Variants in MELK observed in about 807,000 individuals in gnomAD.
MELK encodes pEg3 kinase.
Under a neutral mutation model 85.0 loss-of-function variants are expected in MELK, and 81 were observed. The ratio of observed to expected loss-of-function variants is 0.95; its 90% CI spans 0.80 to 1.15. The LOEUF is 1.15. Among genes scored for constraint, MELK ranks in the 50% most tolerant of loss-of-function variants. The probability of loss-of-function intolerance (pLI) is 0.00; values close to 1 mark genes in which losing one functional copy is unlikely to be tolerated. For synonymous variants in MELK, 252 were observed against 265.0 expected (o/e 0.95, Z 0.48); for missense variants, 754 against 777.5 (o/e 0.97, Z 0.36).
intron 13 of MELK, 44 bp downstream of exon 13, chr9:36,657,407 A>G: frequency 6.5e-7 from 1 of 1,539,600 alleles, no homozygotes; most frequent in Non-Finnish European, 8.7e-7. Context: ...CTATTGTTTC[A>G]ATTATAAAAA....
At position 36,677,423 on chromosome 9, in the gene MELK, TC is replaced by T; in HGVS notation, c.*87del. The T allele has an allele frequency of 8.0e-7, 1 of 1,243,080 alleles. No homozygotes were observed. Among genetic ancestry groups the T allele is most frequent in the Non-Finnish European group, 1.1e-6 (1 of 929,374 alleles). The allele number at this position is 1,243,080 out of a possible 1,614,324, so 77.0% of individuals were successfully genotyped here. On this transcript the variant is annotated 3_prime_UTR_variant, in exon 18 of 18. Transcript: ENST00000298048. Reference sequence around the variant, plus strand: ...GTTATGATCGCTTTGATTTTAAAGTTCATTGGAACTACCAACTTGTTTCTAA... The same window carrying T: ...GTTATGATCGCTTTGATTTTAAAGTTATTGGAACTACCAACTTGTTTCTAA...
chr9:36,642,404 G>T (rs537902774), intron 10 of MELK, among the ~76,000 whole-genome samples: 3 of 150,028 alleles, frequency 2.0e-5, no homozygotes, highest in African/African-American at 7.4e-5. Context: ...CAGTCCCTGG[G>T]CTGTACAACA....
chr9:36,665,593 G>GTTA lies in MELK; in HGVS notation c.1408+13_1408+14insTAT. 2 of 1,586,400 alleles carry GTTA rather than the reference G, an allele frequency of 1.3e-6. No homozygotes were observed. The highest frequency in any genetic ancestry group is 1.7e-6 in the Non-Finnish European group (2 of 1,159,182). ...TACACCCTCAAAAGGTATTTGCTAA[G>GTTA]TGAATTAAGCAGTAAGAAGTTTCAT... On this transcript the variant is annotated intron_variant, in intron 14 of 17. Transcript: ENST00000298048.
In MELK at chr9:36,596,575, TTTTTTGTTTTTTTTG is replaced by T. The variant is rs1564138747; in HGVS notation, c.406-641_406-627del. 1.1e-4 allele frequency among the ~76,000 whole-genome samples: 12 copies of T among 104,818 alleles called. 2 individuals carry two copies. Among genetic ancestry groups the T allele is most frequent in the African/African-American group, 6.9e-4 (11 of 15,940 alleles). The allele number at this position is 104,818 out of a possible 152,430, so 68.8% of individuals were successfully genotyped here. A position where few individuals can be genotyped will look rare whatever the true frequency, so the allele number is the denominator to read the frequency against. On this transcript the variant is annotated intron_variant, in intron 5 of 17. Transcript: ENST00000298048. ...CCCGGCCCTTTTTGTTTTTTTTGTT[TTTTTTGTTTTTTTTG>T]TTTTTTTTTTTTTGAGATGGAGTTT... is the stretch of plus-strand genomic sequence containing the variant.
chr9:36,630,687 G>A (rs1472791879), intron 9 of MELK, among the ~76,000 whole-genome samples: 1 of 152,134 alleles, frequency 6.6e-6, no homozygotes, highest in Non-Finnish European at 1.5e-5. Context: ...TCACTCCTTA[G>A]AAGACCCTCA....
intron 8 of MELK, among the ~76,000 whole-genome samples, chr9:36,628,566 C>G (rs1037879263): frequency 6.6e-6 from 1 of 151,556 alleles, no homozygotes; most frequent in African/African-American, 2.4e-5. Flanking sequence ...ACTACAGGTG[C>G]GTGCCACCAC....
chr9:36,581,766 G>A (rs1352636752), intron 2 of MELK, 27 bp downstream of exon 2: 1 of 1,536,870 alleles, frequency 6.5e-7, no homozygotes, highest in Non-Finnish European at 9.0e-7. Context: ...TTTGGAGGCA[G>A]TGGATAGATC....
In MELK at chr9:36,599,460, C is replaced by A. The variant is rs115586289; in HGVS notation, c.541C>A (p.Gln181Lys). ...GGCTTATGCAGCACCTGAGTTAATA[C>A]AAGGCAAATCATATCTTGGATCAGA... ...SLAYAAPELI[Q>K]GKSYLGSEAD... Residue 181 changes from glutamine to lysine, a missense_variant, in exon 7 of 18, where the codon CAA (glutamine) becomes AAA (lysine). Physicochemically the swap from Gln to Lys is moderately conservative, Grantham distance 53. Coordinates refer to ENST00000298048, the MANE Select transcript of MELK (RefSeq NM_014791.4). 1.1e-5 allele frequency: 18 copies of A among 1,612,000 alleles called. No individual in the cohort carries two copies. The East Asian group carries it at 3.8e-4, about 34-fold the overall frequency.
intron 7 of MELK, among the ~76,000 whole-genome samples, chr9:36,600,325 A>T (rs1457697013): frequency 6.6e-6 from 1 of 151,388 alleles, no homozygotes; most frequent in African/African-American, 2.4e-5. Context: ...CCTGACCTCA[A>T]ATGATTCACC....
At chr9:36,625,021 A>G (rs1827801482) in intron 8 of MELK, among the ~76,000 whole-genome samples, 1 of 152,132 alleles carries the variant, frequency 6.6e-6, no homozygotes, top group South Asian at 2.1e-4. Context: ...AAAATACTGG[A>G]GAGTGATGGG....
chr9:36,587,446 A>G (rs1284943864), intron 3 of MELK, among the ~76,000 whole-genome samples: 1 of 151,012 alleles, frequency 6.6e-6, no homozygotes, highest in Non-Finnish European at 1.5e-5. Flanking sequence ...CCTCCCATGT[A>G]GTTGGGATTA....
At chr9:36,590,539 C>G (rs915715782) in intron 4 of MELK, among the ~76,000 whole-genome samples, 4 of 152,158 alleles carry the variant, frequency 2.6e-5, no homozygotes, top group South Asian at 2.1e-4. Flanking sequence ...TGTCTCTCTT[C>G]TTAAAAGGAC....
At chr9:36,675,305 T>C (rs1833252450) in intron 17 of MELK, among the ~76,000 whole-genome samples, 1 of 152,126 alleles carries the variant, frequency 6.6e-6, no homozygotes, top group African/African-American at 2.4e-5. Flanking sequence ...AAAATAGAAG[T>C]TGATCTCCTC....
chr9:36,646,141 A>G (rs1447026906), intron 11 of MELK, among the ~76,000 whole-genome samples: 4 of 152,182 alleles, frequency 2.6e-5, no homozygotes, highest in South Asian at 2.1e-4. Flanking sequence ...CACAACAAAC[A>G]GTTATCCAGG....
intron 9 of MELK, 43 bp downstream of exon 9, chr9:36,630,410 T>G (rs774941352): frequency 2.0e-6 from 3 of 1,500,754 alleles, no homozygotes; most frequent in East Asian, 4.5e-5. Context: ...TGTAATTGTT[T>G]GGTTCAACTT....
At chr9:36,633,883 G>A (rs1232351642) in intron 10 of MELK, among the ~76,000 whole-genome samples, 2 of 152,238 alleles carry the variant, frequency 1.3e-5, no homozygotes, top group East Asian at 3.9e-4. Flanking sequence ...ATATGCAATA[G>A]GAAAAGGAAG....
At chr9:36,597,447 G>T (rs1330305034) in intron 6 of MELK, among the ~76,000 whole-genome samples, 157 bp downstream of exon 6, 2 of 152,196 alleles carry the variant, frequency 1.3e-5, no homozygotes, top group African/African-American at 2.4e-5. Flanking sequence ...GTTTTTGTAA[G>T]TTCTCTAGAT....
At position 36,657,394 on chromosome 9, in the gene MELK, A is replaced by AATCTATTG. The variant is rs750427401; in HGVS notation, c.1176+32_1176+39dup. ...TCATTCTTATTACTATTTAAGGCAG[A>AATCTATTG]ATCTATTGTTTCAATTATAAAAACA... On this transcript the variant is annotated intron_variant, in intron 13 of 17. Coordinates refer to ENST00000298048, the MANE Select transcript of MELK (RefSeq NM_014791.4). The AATCTATTG allele has an allele frequency of 9.6e-6, 15 of 1,559,842 alleles. No individual in the cohort carries two copies. The African/African-American group carries it at 1.8e-4, about 19-fold the overall frequency.
intron 13 of MELK, 148 bp downstream of exon 13, chr9:36,657,511 G>A: frequency 1.2e-6 from 1 of 847,162 alleles, no homozygotes; most frequent in African/African-American, 1.7e-5. Flanking sequence ...GAATACGAAT[G>A]AAAGGGAAGT....
Sources: gnomAD v4.1 joint callset for allele counts (sites outside exome capture counted in the v4.1 genomes callset) on GRCh38, gnomAD v4.1.1 for gene constraint, MANE v1.5 for transcripts, NCBI Gene and HGNC (gene_info 2026-07-23, HGNC 2026-07-21) for gene names.